The following SCP2 variants were observed in gnomAD, a reference collection of about 807,000 sequenced individuals.
SCP2 encodes SCP-2/3-oxoacyl-CoA thiolase.
In SCP2, 48 loss-of-function variants were observed where a neutral mutation model predicts 71.4. The observed-to-expected ratio is 0.67, with a 90% CI of 0.53 to 0.86. The LOEUF (loss-of-function observed/expected upper bound fraction) is 0.86, where lower values mean the gene tolerates loss of function less well. Ranked by LOEUF, SCP2 falls within the 40% of genes least tolerant of loss-of-function variation. The probability of loss-of-function intolerance (pLI) is 0.00; values close to 1 mark genes in which losing one functional copy is unlikely to be tolerated. For missense variants in SCP2, 560 were observed against 655.6 expected, an observed-to-expected ratio of 0.85 and a Z score of 1.59; for synonymous variants, 220 against 218.1, an observed-to-expected ratio of 1.01 and a Z score of -0.08.
intron 5 of SCP2, 64 bp downstream of exon 5, chr1:52,954,868 C>T: frequency 1.8e-6 from 2 of 1,128,152 alleles, no homozygotes; most frequent in South Asian, 1.2e-5. Flanking sequence ...AAAGGTGATA[C>T]TTACATGTAT....
chr1:52,968,224 A>G (rs1320327638), intron 6 of SCP2, among the ~76,000 whole-genome samples: 2 of 152,192 alleles, frequency 1.3e-5, no homozygotes, highest in Admixed American at 6.5e-5. Context: ...TACAGGTGTT[A>G]GCCACCACGC....
chr1:53,012,216 A>C (rs950574928), intron 11 of SCP2, among the ~76,000 whole-genome samples: 1 of 152,206 alleles, frequency 6.6e-6, no homozygotes, highest in African/African-American at 2.4e-5. Context: ...CCACGCCCAG[A>C]AGGAAGGAAT....
intron 11 of SCP2, 67 bp downstream of exon 11, chr1:52,988,203 T>C (rs1659166737): frequency 2.5e-6 from 2 of 815,154 alleles, no homozygotes; most frequent in African/African-American, 3.4e-5. Flanking sequence ...TGAGTTAGTC[T>C]TTCATTTGAA....
At chr1:53,007,806 A>G (rs528931541) in intron 11 of SCP2, among the ~76,000 whole-genome samples, 1 of 152,234 alleles carries the variant, frequency 6.6e-6, no homozygotes, top group South Asian at 2.1e-4. Context: ...ATAGAGACAC[A>G]AAAAAACCCT....
intron 6 of SCP2, among the ~76,000 whole-genome samples, chr1:52,971,677 A>G (rs1657507841): frequency 6.6e-6 from 1 of 152,238 alleles, no homozygotes; most frequent in East Asian, 1.9e-4. Flanking sequence ...ATCTAATGCT[A>G]ATAGACTGAG....
At chr1:53,034,922 G>A (rs994668846) in intron 13 of SCP2, among the ~76,000 whole-genome samples, 4 of 152,042 alleles carry the variant, frequency 2.6e-5, no homozygotes, top group African/African-American at 4.8e-5. Flanking sequence ...TGGCTAACAC[G>A]GTGAAACCCC....
chr1:52,939,013 C>T (rs918348973), intron 1 of SCP2, among the ~76,000 whole-genome samples: 7 of 152,172 alleles, frequency 4.6e-5, no homozygotes, highest in African/African-American at 1.7e-4. Context: ...ATAAATTTTA[C>T]CTTTTCCAGA....
chr1:53,035,974 C>T (rs12562479), intron 13 of SCP2, among the ~76,000 whole-genome samples: 5,519 of 139,496 alleles, frequency 0.04, 213 homozygotes, highest in East Asian at 0.22. Context: ...GAGCCGAGAT[C>T]AGGCCACTGC....
intron 11 of SCP2, among the ~76,000 whole-genome samples, chr1:52,996,757 C>A (rs1659962934): frequency 6.6e-6 from 1 of 152,148 alleles, no homozygotes; most frequent in African/African-American, 2.4e-5. Context: ...CCCTCCTAAT[C>A]TCCACCTTTT....
rs200302137 is a variant in SCP2 at position 52,950,833 on chromosome 1, A to G, written c.278A>G (p.Asn93Ser). The G allele has an allele frequency of 1.0e-4, 164 of 1,613,992 alleles. No individual in the cohort carries two copies. The highest frequency in any genetic ancestry group is 1.3e-4 in the Non-Finnish European group (148 of 1,179,870). Residue 93 changes from asparagine to serine, a missense_variant, in exon 4 of 16, where the codon AAC (asparagine) becomes AGC (serine). Physicochemically the swap from Asn to Ser is conservative, Grantham distance 46. Around this residue, in one of 3 missense-constraint regions of SCP2, gnomAD observed 513 missense variants for 573.1 expected, o/e 0.90. Coordinates refer to ENST00000371514, the MANE Select transcript of SCP2 (RefSeq NM_002979.5). ...TGIPIINVNN[N>S]CATGSTALFM... ...ATTCCTATAATCAATGTCAACAATA[A>G]CTGTGCTACTGGTTCTACTGCTTTG...
At position 52,961,633 on chromosome 1, in the gene SCP2, T is replaced by C. The variant is rs1200745031; in HGVS notation, c.523+4T>C. On this transcript the variant is annotated splice_donor_region_variant and intron_variant, in intron 6 of 15. Coordinates refer to ENST00000371514, the MANE Select transcript of SCP2 (RefSeq NM_002979.5). ...AAAGAACATATGGAAAAATATGGTA[T>C]GTTACAGTTAAAAAACTTTGAGGCT... 6.2e-7 allele frequency: 1 copy of C among 1,613,460 alleles called. No homozygotes were observed. Among genetic ancestry groups the C allele is most frequent in the South Asian group, 1.1e-5 (1 of 91,066 alleles).
chr1:52,951,343 G>A (rs1192968956), intron 4 of SCP2, among the ~76,000 whole-genome samples: 2 of 151,836 alleles, frequency 1.3e-5, no homozygotes, highest in African/African-American at 2.4e-5. Flanking sequence ...GCTCACACTC[G>A]TAATTTCAAC....
At chr1:52,956,028 A>T (rs923500015) in intron 5 of SCP2, among the ~76,000 whole-genome samples, 1 of 152,024 alleles carries the variant, frequency 6.6e-6, no homozygotes, top group African/African-American at 2.4e-5. Flanking sequence ...AAATAAAATT[A>T]AAAATTCACT....
chr1:53,044,883 A>T (rs941558637), intron 14 of SCP2, among the ~76,000 whole-genome samples: 4 of 152,210 alleles, frequency 2.6e-5, no homozygotes, highest in Non-Finnish European at 5.9e-5. Context: ...TACTTTGATA[A>T]TAAAATTAAT....
chr1:52,941,767 GTATT>G (rs1457653392), intron 1 of SCP2, 25 bp from the exon 2 acceptor site: 2 of 1,427,540 alleles, frequency 1.4e-6, no homozygotes, highest in Non-Finnish European at 2.0e-6. Context: ...ATACTTGTTT[GTATT>G]TATTATCTCT....
At chr1:52,930,886 T>C (rs61199247) in intron 1 of SCP2, among the ~76,000 whole-genome samples, 4,229 of 152,236 alleles carry the variant, frequency 0.028, 162 homozygotes, top group East Asian at 0.21. Flanking sequence ...TAATTTATCA[T>C]TGAAACATAT....
chr1:52,963,392 T>C (rs1406622579), intron 6 of SCP2, among the ~76,000 whole-genome samples: 1 of 152,136 alleles, frequency 6.6e-6, no homozygotes, highest in East Asian at 1.9e-4. Flanking sequence ...CTTTCTCTTC[T>C]ATAGTCTGCA....
chr1:52,975,891 C>T (rs1657921085), intron 7 of SCP2, among the ~76,000 whole-genome samples: 1 of 152,180 alleles, frequency 6.6e-6, no homozygotes, highest in African/African-American at 2.4e-5. Flanking sequence ...ATACGTCAGA[C>T]ATTAGCTGCA....
At chr1:53,044,221 C>G (rs539925488) in intron 14 of SCP2, among the ~76,000 whole-genome samples, 1 of 152,236 alleles carries the variant, frequency 6.6e-6, no homozygotes, top group South Asian at 2.1e-4. Flanking sequence ...CCATGCTCGG[C>G]TAATTTTTGT....
Sources: allele counts gnomAD v4.1 joint callset (sites outside exome capture counted in the v4.1 genomes callset), GRCh38; gene constraint gnomAD v4.1.1; regional missense constraint gnomAD v4.1.1; transcripts MANE v1.5; gene names NCBI Gene and HGNC (gene_info 2026-07-23, HGNC 2026-07-21).